Variants in SEMA5A observed in about 807,000 individuals in gnomAD.
SEMA5A encodes semaphorin 5A.
A neutral mutation model predicts 135.5 loss-of-function variants in SEMA5A; 55 were observed. The ratio of observed to expected loss-of-function variants is 0.41; its 90% confidence interval spans 0.33 to 0.51. The LOEUF (loss-of-function observed/expected upper bound fraction) is 0.51, where lower values mean the gene tolerates loss of function less well. Among genes scored for constraint, SEMA5A ranks in the 20% least tolerant of loss-of-function variants. SEMA5A has a pLI of 0.37. For missense variants in SEMA5A, 1,290 were observed against 1,419.9 expected (o/e 0.91, Z 1.47); for synonymous variants, 580 against 546.5 (o/e 1.06, Z -0.85).
At chr5:9,450,756 CA>C (rs755349461) in intron 1 of SEMA5A, among the ~76,000 whole-genome samples, 3,125 of 128,746 alleles carry the variant, frequency 0.024, 42 homozygotes, top group African/African-American at 0.057. Flanking sequence ...TCTACCACAT[CA>C]AAAAAAAAAA....
chr5:9,466,382 TAAAAAA>T (rs10608363), intron 1 of SEMA5A, among the ~76,000 whole-genome samples: 2 of 143,122 alleles, frequency 1.4e-5, no homozygotes, highest in African/African-American at 5.2e-5. Flanking sequence ...TAATAAAATT[TAAAAAA>T]AAAAAAAAAA....
At chr5:9,310,648 T>G (rs1434118025) in intron 5 of SEMA5A, among the ~76,000 whole-genome samples, 5 of 151,788 alleles carry the variant, frequency 3.3e-5, no homozygotes, top group Non-Finnish European at 5.9e-5. Context: ...GGTAGTTATA[T>G]TATAGTGTTA....
intron 2 of SEMA5A, 92 bp downstream of exon 2, chr5:9,437,664 T>C (rs1405878864): frequency 6.6e-6 from 1 of 152,182 alleles, no homozygotes; most frequent in African/African-American, 2.4e-5. Context: ...CTCTTATTTT[T>C]AATAACAGAA....
chr5:9,110,406 A>G (rs1381654455), intron 15 of SEMA5A, among the ~76,000 whole-genome samples: 1 of 152,332 alleles, frequency 6.6e-6, no homozygotes, highest in East Asian at 1.9e-4. Flanking sequence ...GAGCCCATAG[A>G]ACAAACAGCA....
At chr5:9,265,483 C>T (rs1749637274) in intron 5 of SEMA5A, 1 of 456,286 alleles carries the variant, frequency 2.2e-6, no homozygotes, top group African/African-American at 2.0e-5. Flanking sequence ...ATGTTCAACT[C>T]TTCTGCCGCG....
chr5:9,076,203 C>CAAA (rs55743535), intron 16 of SEMA5A, among the ~76,000 whole-genome samples: 23 of 89,886 alleles, frequency 2.6e-4, no homozygotes, highest in African/African-American at 7.5e-4. Flanking sequence ...GACTCCATCT[C>CAAA]AAAAAAAAAA....
At chr5:9,051,188 C>G (rs1176375529) in intron 20 of SEMA5A, among the ~76,000 whole-genome samples, 1 of 152,200 alleles carries the variant, frequency 6.6e-6, no homozygotes, top group Non-Finnish European at 1.5e-5. Context: ...AAAATAGTAT[C>G]TTTTGCACAG....
intron 2 of SEMA5A, among the ~76,000 whole-genome samples, chr5:9,426,133 C>T (rs1757637374): frequency 6.6e-6 from 1 of 152,106 alleles, no homozygotes; most frequent in Admixed American, 6.6e-5. Flanking sequence ...GTTGGAAAAT[C>T]CACATTATTA....
At chr5:9,483,700 G>A (rs555342255) in intron 1 of SEMA5A, among the ~76,000 whole-genome samples, 9 of 152,198 alleles carry the variant, frequency 5.9e-5, no homozygotes, top group Admixed American at 1.3e-4. Context: ...CCTGCCAACC[G>A]AGCCTTTGAT....
rs569556012 is a variant in SEMA5A, at chr5:9,042,256, A to C, written c.*641T>G. ...CCTCCACCAGCACCAGCAATGGCAC[A>C]GAAACTGCATCAGGAGCAAGGTGGG... On this transcript the variant is annotated 3_prime_UTR_variant, in exon 23 of 23. Transcript: ENST00000382496. 1 of 153,174 alleles carries C rather than the reference A, an allele frequency of 6.5e-6. No individual in the cohort carries two copies. The highest frequency in any genetic ancestry group is 2.4e-5 in the African/African-American group (1 of 41,622). 9.5% of individuals were successfully genotyped at this position (153,174 alleles called of 1,614,324 possible). A position where few individuals can be genotyped will look rare whatever the true frequency, so the allele number is the denominator to read the frequency against.
At chr5:9,217,550 G>A (rs1410348302) in intron 8 of SEMA5A, among the ~76,000 whole-genome samples, 1 of 152,126 alleles carries the variant, frequency 6.6e-6, no homozygotes, top group Non-Finnish European at 1.5e-5. Context: ...TAGCAAAGTT[G>A]GGGAAGTTTT....
intron 16 of SEMA5A, among the ~76,000 whole-genome samples, chr5:9,100,263 C>T (rs1024546908): frequency 6.6e-6 from 1 of 152,158 alleles, no homozygotes; most frequent in Non-Finnish European, 1.5e-5. Flanking sequence ...TTTCACAAAG[C>T]CAGGTGTAGA....
intron 5 of SEMA5A, among the ~76,000 whole-genome samples, chr5:9,299,607 G>T (rs1046996888): frequency 2.0e-5 from 3 of 152,152 alleles, no homozygotes; most frequent in African/African-American, 4.8e-5. Flanking sequence ...CCTTGCCAGC[G>T]TTGGGCTCAG....
At chr5:9,332,061 G>C (rs1163179943) in intron 4 of SEMA5A, among the ~76,000 whole-genome samples, 1 of 152,148 alleles carries the variant, frequency 6.6e-6, no homozygotes, top group African/African-American at 2.4e-5. Context: ...GGTGTGCAAG[G>C]CGTGCAGTTA....
intron 16 of SEMA5A, among the ~76,000 whole-genome samples, chr5:9,084,835 C>T (rs1738590575): frequency 6.6e-6 from 1 of 151,890 alleles, no homozygotes; most frequent in African/African-American, 2.4e-5. Flanking sequence ...GCTCAGAAGA[C>T]AAAAAAATGT....
chr5:9,353,307 GGGAAGGGAAAGGAA>G (rs377082611), intron 3 of SEMA5A, among the ~76,000 whole-genome samples: 17 of 102,950 alleles, frequency 1.7e-4, no homozygotes, highest in South Asian at 7.2e-4. Flanking sequence ...GGGAAGGGAA[GGGAAGGGAAAGGAA>G]GGAAAGGAAA....
intron 11 of SEMA5A, among the ~76,000 whole-genome samples, chr5:9,175,267 C>T (rs1193973535): frequency 2.0e-5 from 3 of 152,004 alleles, no homozygotes; most frequent in Admixed American, 6.6e-5. Context: ...CTCAGTGGTC[C>T]TTGAATAACT....
chr5:9,094,420 C>A (rs185539344), intron 16 of SEMA5A, among the ~76,000 whole-genome samples: 1 of 152,296 alleles, frequency 6.6e-6, no homozygotes, highest in African/African-American at 2.4e-5. Flanking sequence ...CAGTTTCAGA[C>A]GTCAAGGCCT....
At chr5:9,255,516 A>C (rs955126005) in intron 5 of SEMA5A, among the ~76,000 whole-genome samples, 3 of 152,178 alleles carry the variant, frequency 2.0e-5, no homozygotes, top group Non-Finnish European at 4.4e-5. Context: ...GAACAGAACA[A>C]AGTATCCATT....
Sources: gnomAD v4.1 joint callset for allele counts (sites outside exome capture counted in the v4.1 genomes callset) on GRCh38, gnomAD v4.1.1 for gene constraint, MANE v1.5 for transcripts, NCBI Gene and HGNC (gene_info 2026-07-23, HGNC 2026-07-21) for gene names.